Variants in ROBO1 observed in about 807,000 individuals in gnomAD.
ROBO1 encodes roundabout guidance receptor 1.
ROBO1 carries 149 observed loss-of-function variants against 195.9 expected under a neutral mutation model. That is an observed-to-expected ratio of 0.76 (90% confidence interval 0.67 to 0.87). The LOEUF (loss-of-function observed/expected upper bound fraction) is 0.87, where lower values mean the gene tolerates loss of function less well. ROBO1 is among the 40% of genes least tolerant of loss of function. The probability of loss-of-function intolerance (pLI) is 0.00; values close to 1 mark genes in which losing one functional copy is unlikely to be tolerated. For synonymous variants in ROBO1, 816 were observed against 733.2 expected, an observed-to-expected ratio of 1.11 and a Z score of -1.82; for missense variants, 1,933 against 2,068.3, an observed-to-expected ratio of 0.93 and a Z score of 1.27.
At chr3:79,141,643 G>T (rs2080529788) in intron 2 of ROBO1, among the ~76,000 whole-genome samples, 1 of 151,520 alleles carries the variant, frequency 6.6e-6, no homozygotes, top group South Asian at 2.1e-4. Context: ...ATAGAGGGAG[G>T]CTGTTTGTAG....
chr3:78,599,524 C>T (rs1703045176), intron 30 of ROBO1, among the ~76,000 whole-genome samples: 2 of 152,112 alleles, frequency 1.3e-5, no homozygotes, highest in South Asian at 2.1e-4. Context: ...TTTTCCTCAA[C>T]TTTTATTAAA....
intron 2 of ROBO1, among the ~76,000 whole-genome samples, chr3:79,496,026 A>G (rs999360050): frequency 8.6e-5 from 13 of 151,996 alleles, no homozygotes; most frequent in African/African-American, 3.1e-4. Flanking sequence ...CAGCCTGGCC[A>G]ACATGGTGAA....
chr3:79,330,653 T>C (rs1445430332), intron 2 of ROBO1, among the ~76,000 whole-genome samples: 1 of 144,730 alleles, frequency 6.9e-6, no homozygotes, highest in Non-Finnish European at 1.5e-5. Context: ...CTAAAATATT[T>C]GCTCTCTGGA....
chr3:79,060,534 G>A (rs1234292117), intron 3 of ROBO1, among the ~76,000 whole-genome samples: 1 of 151,948 alleles, frequency 6.6e-6, no homozygotes, highest in South Asian at 2.1e-4. Context: ...TCTCAGACTG[G>A]TCGACACTTA....
At chr3:78,864,379 C>T (rs2035035305) in intron 4 of ROBO1, among the ~76,000 whole-genome samples, 1 of 151,934 alleles carries the variant, frequency 6.6e-6, no homozygotes, top group Admixed American at 6.6e-5. Flanking sequence ...AGCATATCCC[C>T]AAGGAAGCAT....
intron 2 of ROBO1, among the ~76,000 whole-genome samples, chr3:79,489,102 A>G (rs1250843443): frequency 6.7e-6 from 1 of 149,658 alleles, no homozygotes; most frequent in African/African-American, 2.5e-5. Flanking sequence ...ATATACATAT[A>G]TAAGTACATA....
At chr3:78,868,158 G>A (rs2035297745) in intron 4 of ROBO1, among the ~76,000 whole-genome samples, 1 of 152,060 alleles carries the variant, frequency 6.6e-6, no homozygotes, top group Non-Finnish European at 1.5e-5. Context: ...GAGAATTAAG[G>A]GCATGAGGAA....
At chr3:78,855,747 C>T (rs1028699611) in intron 4 of ROBO1, among the ~76,000 whole-genome samples, 7 of 151,766 alleles carry the variant, frequency 4.6e-5, no homozygotes, top group Admixed American at 2.6e-4. Context: ...AAGGAAGAAA[C>T]GTCTGTTTTA....
At chr3:79,761,104 A>G (rs1019548939) in intron 1 of ROBO1, among the ~76,000 whole-genome samples, 9 of 148,260 alleles carry the variant, frequency 6.1e-5, no homozygotes, top group Non-Finnish European at 1.3e-4. Flanking sequence ...TATATAAAAT[A>G]TACTATATAT....
At chr3:78,935,209 A>T (rs2039739578) in intron 4 of ROBO1, among the ~76,000 whole-genome samples, 1 of 152,098 alleles carries the variant, frequency 6.6e-6, no homozygotes, top group Non-Finnish European at 1.5e-5. Context: ...AGCAAAATAC[A>T]TATACACTTT....
chr3:79,587,426 A>G (rs575027373), intron 2 of ROBO1, among the ~76,000 whole-genome samples: 18 of 151,950 alleles, frequency 1.2e-4, no homozygotes, highest in African/African-American at 4.3e-4. Flanking sequence ...TCCTGTAGAC[A>G]CCTTGGCTGA....
chr3:79,011,739 C>T (rs2077784004), intron 3 of ROBO1, among the ~76,000 whole-genome samples: 1 of 150,612 alleles, frequency 6.6e-6, no homozygotes, highest in Non-Finnish European at 1.5e-5. Context: ...TAAATTATGA[C>T]CATACCTAAC....
At chr3:78,600,426 A>T (rs1264386658) in intron 29 of ROBO1, 117 bp from the exon 30 acceptor site, 1 of 678,616 alleles carries the variant, frequency 1.5e-6, no homozygotes, top group Non-Finnish European at 2.6e-6. Context: ...TTTAAGGTAT[A>T]AATGAGGACA....
chr3:78,993,603 C>T (rs2108074098), intron 3 of ROBO1, among the ~76,000 whole-genome samples: 1 of 152,270 alleles, frequency 6.6e-6, no homozygotes, highest in South Asian at 2.1e-4. Context: ...TCCGCCATGA[C>T]CTCAGGGACT....
intron 3 of ROBO1, among the ~76,000 whole-genome samples, chr3:78,952,180 T>C (rs577160586): frequency 6.6e-6 from 1 of 151,428 alleles, no homozygotes; most frequent in South Asian, 2.1e-4. Context: ...GATTAAAGTA[T>C]CTGTCTCCAT....
chr3:78,897,362 C>T (rs2037299238), intron 4 of ROBO1, among the ~76,000 whole-genome samples: 1 of 152,180 alleles, frequency 6.6e-6, no homozygotes, highest in South Asian at 2.1e-4. Context: ...GAACCATAAA[C>T]ACATCAAAAG....
intron 3 of ROBO1, among the ~76,000 whole-genome samples, chr3:79,066,565 C>T (rs899864941): frequency 6.6e-6 from 1 of 151,774 alleles, no homozygotes; most frequent in African/African-American, 2.4e-5. Flanking sequence ...AACAAAACTG[C>T]CAGAGTAATT....
chr3:79,282,804 T>G (rs1430669096), intron 2 of ROBO1, among the ~76,000 whole-genome samples: 1 of 152,284 alleles, frequency 6.6e-6, no homozygotes, highest in East Asian at 1.9e-4. Flanking sequence ...AAACAGTCAG[T>G]GGCCTTTATA....
chr3:79,376,009 G>A (rs886499049), intron 2 of ROBO1, among the ~76,000 whole-genome samples: 31 of 152,178 alleles, frequency 2.0e-4, no homozygotes, highest in Non-Finnish European at 7.3e-5. Flanking sequence ...TTTTCTTGCT[G>A]TGGTAGTCAG....
Sources: gnomAD v4.1 joint callset for allele counts (sites outside exome capture counted in the v4.1 genomes callset) on GRCh38, gnomAD v4.1.1 for gene constraint, MANE v1.5 for transcripts, NCBI Gene and HGNC (gene_info 2026-07-23, HGNC 2026-07-21) for gene names.